The following FANCC variants were observed in gnomAD, a reference collection of about 807,000 sequenced individuals.
FANCC encodes the protein Fanconi anemia group C protein.
FANCC carries 55 observed loss-of-function variants against 71.3 expected under a neutral mutation model. That is an observed-to-expected ratio of 0.77 (90% CI 0.62 to 0.97). The LOEUF (loss-of-function observed/expected upper bound fraction) is 0.97. Ranked by LOEUF, FANCC falls within the 50% of genes least tolerant of loss-of-function variation. FANCC has a pLI of 0.00. For synonymous variants in FANCC, 275 were observed against 244.9 expected, an observed-to-expected ratio of 1.12 and a Z score of -1.15; for missense variants, 678 against 670.9, an observed-to-expected ratio of 1.01 and a Z score of -0.12.
chr9:95,213,560 C>G (rs535247458), intron 4 of FANCC, among the ~76,000 whole-genome samples: 1 of 152,226 alleles, frequency 6.6e-6, no homozygotes, highest in Admixed American at 6.5e-5. Flanking sequence ...GGGGAAAAGA[C>G]AGCCTTTGCA....
Position 95,317,306 on chromosome 9 carries a change from ACCTTCCGCCTCCCG to A in FANCC, c.-79+206_-79+219del, listed in dbSNP as rs775559260. The A allele has an allele frequency of 0.13, 3,694 of 27,802 alleles. 73 individuals carry two copies. Among genetic ancestry groups the A allele is most frequent in the African/African-American group, 0.2 (1,514 of 7,616 alleles). 1.7% of individuals were successfully genotyped at this position (27,802 alleles called of 1,614,324 possible). On this transcript the variant is annotated intron_variant, in intron 1 of 14. Transcript: ENST00000289081. ...GCCCCGCGGGCTGGCACCGCCCGCC[ACCTTCCGCCTCCCG>A]CCTCCCGCCTCCCGCCTCAGCCTTA...
At chr9:95,180,339 C>CTTTT (rs34697587) in intron 4 of FANCC, among the ~76,000 whole-genome samples, 28 of 82,182 alleles carry the variant, frequency 3.4e-4, no homozygotes, top group East Asian at 8.5e-4. Context: ...ACAGTTAACT[C>CTTTT]TTTTTTTTTT....
At chr9:95,317,220 G>A (rs1006273160) in intron 1 of FANCC, 1 of 152,666 alleles carries the variant, frequency 6.6e-6, no homozygotes, top group African/African-American at 2.4e-5. Flanking sequence ...GCCTCTCCGG[G>A]GGCTCCCTTC....
chr9:95,247,637 A>C (rs1831073962), intron 2 of FANCC, 121 bp from the exon 3 acceptor site: 1 of 722,354 alleles, frequency 1.4e-6, no homozygotes, highest in African/African-American at 1.7e-5. Flanking sequence ...TTTAAAAGTA[A>C]GCACAAAAGG....
intron 4 of FANCC, among the ~76,000 whole-genome samples, chr9:95,174,058 T>G (rs1298328591): frequency 1.3e-5 from 2 of 152,202 alleles, no homozygotes; most frequent in African/African-American, 4.8e-5. Context: ...AAAACATCAC[T>G]GTCTTAGTCT....
At chr9:95,255,524 A>G (rs997299192) in intron 1 of FANCC, among the ~76,000 whole-genome samples, 2 of 152,218 alleles carry the variant, frequency 1.3e-5, no homozygotes, top group Non-Finnish European at 2.9e-5. Flanking sequence ...GGACGTCTAC[A>G]TAAAAACCCC....
chr9:95,113,011 G>A (rs1214350152), intron 12 of FANCC, among the ~76,000 whole-genome samples: 1 of 152,198 alleles, frequency 6.6e-6, no homozygotes, highest in Non-Finnish European at 1.5e-5. Context: ...CAATCACAGG[G>A]TGGGCTGTTT....
intron 1 of FANCC, among the ~76,000 whole-genome samples, chr9:95,310,636 G>A (rs1402333988): frequency 6.6e-6 from 1 of 152,100 alleles, no homozygotes; most frequent in East Asian, 1.9e-4. Flanking sequence ...CAATGACTGT[G>A]ACGAATCAAT....
At chr9:95,289,762 T>G (rs992611261) in intron 1 of FANCC, among the ~76,000 whole-genome samples, 2 of 152,144 alleles carry the variant, frequency 1.3e-5, no homozygotes, top group African/African-American at 4.8e-5. Flanking sequence ...AGGATCCTCC[T>G]ACCTCAGCCT....
At chr9:95,303,993 C>T (rs898583845) in intron 1 of FANCC, among the ~76,000 whole-genome samples, 5 of 152,188 alleles carry the variant, frequency 3.3e-5, no homozygotes, top group African/African-American at 1.2e-4. Context: ...AAGAGATCCA[C>T]ACCAGGCACA....
intron 13 of FANCC, chr9:95,110,341 A>C: frequency 2.0e-6 from 2 of 1,018,434 alleles, no homozygotes; most frequent in Non-Finnish European, 2.4e-6. Flanking sequence ...TTCAGAATCA[A>C]ATAAGACAGA....
intron 1 of FANCC, among the ~76,000 whole-genome samples, chr9:95,272,187 C>G (rs575790804): frequency 1.1e-4 from 16 of 151,814 alleles, no homozygotes; most frequent in African/African-American, 3.9e-4. Flanking sequence ...ATTCGCCTGC[C>G]TTGGCCTCCC....
At chr9:95,245,557 G>C (rs1186211613) in intron 3 of FANCC, among the ~76,000 whole-genome samples, 2 of 151,450 alleles carry the variant, frequency 1.3e-5, no homozygotes, top group Non-Finnish European at 2.9e-5. Context: ...TAGAAGTTAT[G>C]TACTACACTA....
At chr9:95,191,505 T>C (rs1416234613) in intron 4 of FANCC, among the ~76,000 whole-genome samples, 1 of 151,846 alleles carries the variant, frequency 6.6e-6, no homozygotes, top group East Asian at 1.9e-4. Flanking sequence ...ATCCTACTTC[T>C]ATAGGGTGAC....
intron 1 of FANCC, among the ~76,000 whole-genome samples, chr9:95,259,647 C>G (rs1831898965): frequency 6.6e-6 from 1 of 152,144 alleles, no homozygotes; most frequent in Non-Finnish European, 1.5e-5. Flanking sequence ...GACTTCATGA[C>G]TAAAATACCA....
chr9:95,209,919 T>C (rs998958177), intron 4 of FANCC, among the ~76,000 whole-genome samples: 3 of 152,302 alleles, frequency 2.0e-5, no homozygotes, highest in Non-Finnish European at 4.4e-5. Context: ...GAGAAACTCT[T>C]GCACATGTAT....
intron 4 of FANCC, among the ~76,000 whole-genome samples, chr9:95,207,221 C>T (rs149549812): frequency 3.3e-5 from 5 of 151,994 alleles, no homozygotes; most frequent in Non-Finnish European, 7.4e-5. Context: ...GAAGAGCTGG[C>T]CACAGCTTCT....
intron 7 of FANCC, among the ~76,000 whole-genome samples, chr9:95,144,628 C>T (rs1433167351): frequency 6.6e-6 from 1 of 152,088 alleles, no homozygotes; most frequent in African/African-American, 2.4e-5. Context: ...AGGCTAGACA[C>T]GGGGGTGGCT....
At chr9:95,203,806 G>A (rs1394748425) in intron 4 of FANCC, among the ~76,000 whole-genome samples, 3 of 152,070 alleles carry the variant, frequency 2.0e-5, no homozygotes, top group Non-Finnish European at 2.9e-5. Context: ...TGTCTCAATA[G>A]AAGACAGCTG....
Sources: gnomAD v4.1 joint callset for allele counts (sites outside exome capture counted in the v4.1 genomes callset) on GRCh38, gnomAD v4.1.1 for gene constraint, MANE v1.5 for transcripts, NCBI Gene and HGNC (gene_info 2026-07-23, HGNC 2026-07-21) for gene names.